BMP6: variants seen among roughly 807,000 people sequenced by gnomAD.
BMP6 encodes the protein bone morphogenetic protein 6.
Under a neutral mutation model 54.1 loss-of-function variants are expected in BMP6, and 17 were observed. That is an observed-to-expected ratio of 0.31 (90% confidence interval 0.22 to 0.47). BMP6 has a LOEUF of 0.47. Among genes scored for constraint, BMP6 ranks in the 20% least tolerant of loss-of-function variants. The pLI, the probability that BMP6 is intolerant of heterozygous loss-of-function variation, is 1.00. For missense variants in BMP6, 720 were observed against 690.4 expected (o/e 1.04, Z -0.48); for synonymous variants, 328 against 291.2 (o/e 1.13, Z -1.28).
intron 1 of BMP6, among the ~76,000 whole-genome samples, chr6:7,815,143 A>T (rs1316226122): frequency 6.6e-6 from 1 of 152,056 alleles, no homozygotes; most frequent in East Asian, 1.9e-4. Context: ...AATTCCTGGG[A>T]CTTAAAGGGT....
At chr6:7,841,816 G>C (rs1396082613) in intron 1 of BMP6, among the ~76,000 whole-genome samples, 1 of 152,164 alleles carries the variant, frequency 6.6e-6, no homozygotes, top group Non-Finnish European at 1.5e-5. Flanking sequence ...TCATGATATT[G>C]TTGTTTTGGT....
rs572471230 is a variant in BMP6, at chr6:7,733,323, G to T, written c.664+5704G>T. Among the ~76,000 whole-genome samples, 168 of 152,090 alleles carry T rather than the reference G, an allele frequency of 1.1e-3. 1 individual carries two copies. The highest frequency in any genetic ancestry group is 5.8e-3 in the Admixed American group (88 of 15,288). ...GAATTTTAGTCATTTTGCCATCTTTGGTGCTTCCAGTAGTGGGAAGAAAAG... is the reference window on the plus strand; with the variant it reads ...GAATTTTAGTCATTTTGCCATCTTTTGTGCTTCCAGTAGTGGGAAGAAAAG... On this transcript the variant is annotated intron_variant, in intron 1 of 6. Coordinates refer to ENST00000283147, the MANE Select transcript of BMP6 (RefSeq NM_001718.6).
Position 7,748,532 on chromosome 6 carries a change from T to C in BMP6, c.664+20913T>C, listed in dbSNP as rs546364401. Among the ~76,000 whole-genome samples the C allele has an allele frequency of 2.0e-5, 3 of 152,314 alleles. No homozygotes were observed. In the East Asian group the frequency reaches 5.8e-4, roughly 29 times the overall value. ...GACCCTCTGGCACTTGAGCAGCTCA[T>C]GCTTATGAGAGAAACCTACGAGGCT... On this transcript the variant is annotated intron_variant, in intron 1 of 6. Coordinates refer to ENST00000283147, the MANE Select transcript of BMP6 (RefSeq NM_001718.6).
chr6:7,736,260 T>G (rs1317516180), intron 1 of BMP6, among the ~76,000 whole-genome samples: 2 of 152,210 alleles, frequency 1.3e-5, no homozygotes, highest in Non-Finnish European at 2.9e-5. Context: ...CTCCCTGGCT[T>G]GTGCCCTGTT....
intron 1 of BMP6, among the ~76,000 whole-genome samples, chr6:7,739,789 G>A (rs908399233): frequency 2.0e-5 from 3 of 152,132 alleles, no homozygotes; most frequent in Admixed American, 6.5e-5. Flanking sequence ...TTTCGTTGAA[G>A]GCAGCTAATG....
chr6:7,736,038 G>A (rs1478451814), intron 1 of BMP6, among the ~76,000 whole-genome samples: 2 of 152,204 alleles, frequency 1.3e-5, no homozygotes, highest in Non-Finnish European at 2.9e-5. Context: ...GGTCCCTAAG[G>A]AAGTAATTTT....
chr6:7,818,935 A>G lies in BMP6; in HGVS notation c.665-26205A>G, dbSNP rs143161774. ...GTGAAATTGGCAAGACATTCTTTCC[A>G]GATTTCACAGAGGGATATCCCATGT... On this transcript the variant is annotated intron_variant, in intron 1 of 6. Transcript: ENST00000283147. 1.8e-3 allele frequency among the ~76,000 whole-genome samples: 270 copies of G among 152,364 alleles called. 1 individual carries two copies. The highest frequency in any genetic ancestry group is 3.4e-3 in the Middle Eastern group (1 of 294).
In BMP6 at chr6:7,796,386, C is replaced by T. The variant is rs143159202; in HGVS notation, c.665-48754C>T. On this transcript the variant is annotated intron_variant, in intron 1 of 6. Coordinates refer to ENST00000283147, the MANE Select transcript of BMP6 (RefSeq NM_001718.6). ...GTGGCCAAGATGGCCTTGATCCTGT[C>T]GCAGGAAAGTCCCTTCTGTGCTTGG... 8.7e-3 allele frequency among the ~76,000 whole-genome samples: 1,327 copies of T among 152,366 alleles called. 8 individuals are homozygous for T. Among genetic ancestry groups the T allele is most frequent in the Non-Finnish European group, 0.012 (835 of 68,040 alleles).
chr6:7,773,459 G>GGA (rs1757819353), intron 1 of BMP6, among the ~76,000 whole-genome samples: 1 of 152,162 alleles, frequency 6.6e-6, no homozygotes, highest in Non-Finnish European at 1.5e-5. Flanking sequence ...AGGTCACTGT[G>GGA]GAGAGTATCC....
At chr6:7,772,591 A>T (rs1757805821) in intron 1 of BMP6, among the ~76,000 whole-genome samples, 1 of 152,140 alleles carries the variant, frequency 6.6e-6, no homozygotes, top group South Asian at 2.1e-4. Flanking sequence ...CTGCCATTGC[A>T]TCCTCTCCCT....
intron 1 of BMP6, among the ~76,000 whole-genome samples, chr6:7,735,095 G>A (rs552687344): frequency 6.6e-6 from 1 of 152,322 alleles, no homozygotes; most frequent in African/African-American, 2.4e-5. Flanking sequence ...GGATTCACAG[G>A]GCGCAGAAAA....
intron 1 of BMP6, among the ~76,000 whole-genome samples, chr6:7,761,872 G>T (rs905661652): frequency 6.6e-6 from 1 of 152,152 alleles, no homozygotes; most frequent in African/African-American, 2.4e-5. Context: ...TGAGGACAAG[G>T]AATGTGTCTT....
At chr6:7,876,845 C>G (rs1561799520) in intron 4 of BMP6, among the ~76,000 whole-genome samples, 1 of 151,158 alleles carries the variant, frequency 6.6e-6, no homozygotes, top group South Asian at 2.1e-4. Context: ...GGTTTCTAGT[C>G]CTTCTTTTCT....
At chr6:7,807,292 G>T (rs548217800) in intron 1 of BMP6, among the ~76,000 whole-genome samples, 2,541 of 152,112 alleles carry the variant, frequency 0.017, 33 homozygotes, top group Non-Finnish European at 0.025. Flanking sequence ...TTGTTTGTTT[G>T]TTTTTGTTTT....
chr6:7,861,686 C>T, intron 3 of BMP6, 87 bp downstream of exon 3: 1 of 1,545,670 alleles, frequency 6.5e-7, no homozygotes, highest in South Asian at 1.2e-5. Context: ...GAACCGTGGG[C>T]AACAGGCAAG....
intron 1 of BMP6, among the ~76,000 whole-genome samples, chr6:7,844,310 T>TA (rs1759023327): frequency 1.3e-5 from 2 of 151,592 alleles, no homozygotes; most frequent in East Asian, 3.9e-4. Context: ...GATTCCATAT[T>TA]AAAAAACCTT....
At position 7,880,468 on chromosome 6, in the gene BMP6, C is replaced by A; in HGVS notation, c.*125C>A. 1 of 1,285,962 alleles carries A rather than the reference C, an allele frequency of 7.8e-7. No homozygotes were observed. The highest frequency in any genetic ancestry group is 1.1e-6 in the Non-Finnish European group (1 of 925,024). The allele number at this position is 1,285,962 out of a possible 1,614,324, so 79.7% of individuals were successfully genotyped here. A position where few individuals can be genotyped will look rare whatever the true frequency, so the allele number is the denominator to read the frequency against. On this transcript the variant is annotated 3_prime_UTR_variant, in exon 7 of 7. Transcript: ENST00000283147. Reference sequence around the variant, plus strand: ...ACTTTGAAACTATCTCATGCCAGTGCCTTATTACCCAGGAAGATTTTAAAG... The same window carrying A: ...ACTTTGAAACTATCTCATGCCAGTGACTTATTACCCAGGAAGATTTTAAAG...
At chr6:7,833,999 G>C (rs556294576) in intron 1 of BMP6, among the ~76,000 whole-genome samples, 1 of 152,208 alleles carries the variant, frequency 6.6e-6, no homozygotes, top group South Asian at 2.1e-4. Flanking sequence ...GAGTTTCCAT[G>C]AGCAAACAAA....
chr6:7,852,933 G>GC, intron 2 of BMP6, among the ~76,000 whole-genome samples: 1 of 151,388 alleles, frequency 6.6e-6, no homozygotes, highest in African/African-American at 2.4e-5. Context: ...TTTCCATGCA[G>GC]CCCCCTTTTT....
Sources: allele counts gnomAD v4.1 joint callset (sites outside exome capture counted in the v4.1 genomes callset), GRCh38; gene constraint gnomAD v4.1.1; transcripts MANE v1.5; gene names NCBI Gene and HGNC (gene_info 2026-07-23, HGNC 2026-07-21).